The following N4BP1 variants were observed in gnomAD, a reference collection of about 807,000 sequenced individuals.
N4BP1 encodes the protein NEDD4 binding protein 1.
Under a neutral mutation model 70.9 loss-of-function variants are expected in N4BP1, and 21 were observed. The observed-to-expected ratio is 0.30, with a 90% CI of 0.21 to 0.43. The LOEUF (loss-of-function observed/expected upper bound fraction) is 0.43, where lower values mean the gene tolerates loss of function less well. N4BP1 is among the 20% of genes least tolerant of loss of function. The pLI is 1.00. For missense variants in N4BP1, 936 were observed against 1,069.4 expected (o/e 0.88, Z 1.74); for synonymous variants, 387 against 394.6 (o/e 0.98, Z 0.23).
At chr16:48,608,708 C>G (rs1337142230) in intron 1 of N4BP1, among the ~76,000 whole-genome samples, 1 of 146,758 alleles carries the variant, frequency 6.8e-6, no homozygotes, top group African/African-American at 2.5e-5. Context: ...CTGATTTAGG[C>G]AGAAGGTGAG....
chr16:48,587,497 G>A (rs1360502125), intron 1 of N4BP1: 1 of 152,138 alleles, frequency 6.6e-6, no homozygotes, highest in East Asian at 1.9e-4. Flanking sequence ...CTTCTACTTA[G>A]CAAGCTATGC....
chr16:48,550,049 G>T (rs1481264455), intron 4 of N4BP1, among the ~76,000 whole-genome samples: 1 of 152,142 alleles, frequency 6.6e-6, no homozygotes, highest in Non-Finnish European at 1.5e-5. Flanking sequence ...ATTTCCATTG[G>T]TTAAGTTTAG....
chr16:48,589,608 T>G (rs556418735), intron 1 of N4BP1, among the ~76,000 whole-genome samples: 2 of 152,284 alleles, frequency 1.3e-5, no homozygotes, highest in South Asian at 4.1e-4. Flanking sequence ...CAGAGTTCTC[T>G]GAGCTGCTTA....
chr16:48,561,470 G>T lies in N4BP1; in HGVS notation c.1173C>A (p.Phe391Leu). 1.2e-6 allele frequency: 2 copies of T among 1,611,610 alleles called. No homozygotes were observed. Among genetic ancestry groups the T allele is most frequent in the African/African-American group, 1.3e-5 (1 of 74,704 alleles). ...LEEIEKENKR[F>L]QEDREFSAGT... is the part of the protein sequence containing the mutation. The stretch of plus-strand genomic sequence containing the variant: ...CAGCTGAAAATTCTCTGTCTTCTTG[G>T]AATCTTTTATTTTCTTTTTCAATTT... The change falls in exon 2 of 7, where the codon TTC becomes TTA. Residue 391 changes from phenylalanine (F) to leucine (L), a missense_variant. Coordinates refer to ENST00000262384, the MANE Select transcript of N4BP1 (RefSeq NM_153029.4).
Position 48,610,040 on chromosome 16 carries a change from C to T in N4BP1, c.-68G>A. On this transcript the variant is annotated 5_prime_UTR_variant, in exon 1 of 7. Coordinates refer to ENST00000262384, the MANE Select transcript of N4BP1 (RefSeq NM_153029.4). ...GCGACGCCCCCTCAGCTTGCTGCCG[C>T]TGCTCCCAAGCCAGTCAGGCGGCGT... 1.1e-6 allele frequency: 1 copy of T among 941,518 alleles called. No individual in the cohort carries two copies. Among genetic ancestry groups the T allele is most frequent in the Non-Finnish European group, 1.3e-6 (1 of 774,344 alleles). The allele number at this position is 941,518 out of a possible 1,614,324, so 58.3% of individuals were successfully genotyped here. A position where few individuals can be genotyped will look rare whatever the true frequency, so the allele number is the denominator to read the frequency against.
Position 48,551,468 on chromosome 16 carries a change from T to G in N4BP1, c.2035A>C (p.Thr679Pro). 6.2e-7 allele frequency: 1 copy of G among 1,612,834 alleles called. No individual in the cohort carries two copies. The highest frequency in any genetic ancestry group is 8.5e-7 in the Non-Finnish European group (1 of 1,179,030). The part of the protein sequence containing the change: ...DPNVTEQHFL[T>P]QLQELGILSL... ...AATATTCCGAGCTCCTGGAGCTGGG[T>G]TAAGAAGTGCTGTTCTGTTCATGGA... The change falls in exon 4 of 7, where the codon ACC (threonine) becomes CCC (proline). Residue 679 changes from threonine (T) to proline (P), a missense_variant. Around this residue, in one of 4 missense-constraint regions of N4BP1, gnomAD observed 229 missense variants for 343.5 expected, o/e 0.67. Transcript: ENST00000262384.
At chr16:48,549,948 G>A (rs1963642345) in intron 4 of N4BP1, among the ~76,000 whole-genome samples, 1 of 152,182 alleles carries the variant, frequency 6.6e-6, no homozygotes, top group East Asian at 1.9e-4. Context: ...ATGCAGGGGA[G>A]AAAAGAATAA....
At chr16:48,591,540 G>A (rs1014341938) in intron 1 of N4BP1, among the ~76,000 whole-genome samples, 3 of 150,700 alleles carry the variant, frequency 2.0e-5, no homozygotes, top group Admixed American at 6.6e-5. Context: ...GATAATAAGA[G>A]ATTTTTAAAA....
chr16:48,562,159 G>C lies in N4BP1; in HGVS notation c.484C>G (p.Gln162Glu). The C allele has an allele frequency of 6.2e-7, 1 of 1,613,952 alleles. No individual in the cohort carries two copies. The highest frequency in any genetic ancestry group is 1.3e-5 in the African/African-American group (1 of 75,034). Residue 162 changes from glutamine to glutamate, a missense_variant, in exon 2 of 7, where the codon CAA becomes GAA. Physicochemically the swap from Gln to Glu is conservative, Grantham distance 29. This residue lies in a region of N4BP1 where 187 missense variants were observed against 217.1 expected (regional missense o/e 0.86). Transcript: ENST00000262384. ...KESEVKREFKQFVEAHADNYT... is the reference protein window; with the variant it reads ...KESEVKREFKEFVEAHADNYT... ...TTGTCTGCATGGGCTTCAACAAATT[G>C]TTTGAATTCCCTTTTCACCTCTGAT...
chr16:48,599,336 G>C (rs962993728), intron 1 of N4BP1, among the ~76,000 whole-genome samples: 1 of 152,126 alleles, frequency 6.6e-6, no homozygotes, highest in African/African-American at 2.4e-5. Context: ...AGCTAATGGG[G>C]GCATGGTTGT....
At chr16:48,607,651 G>A (rs1015653895) in intron 1 of N4BP1, among the ~76,000 whole-genome samples, 1 of 152,190 alleles carries the variant, frequency 6.6e-6, no homozygotes, top group Non-Finnish European at 1.5e-5. Context: ...GAAAGGAAAG[G>A]AATGAATGCA....
At position 48,555,672 on chromosome 16, in the gene N4BP1, AG is replaced by A. The variant is rs571157835; in HGVS notation, c.1890-2004del. Reference sequence around the variant, plus strand: ...AAAAAGACTGGGGGTGGTTCTTTAAAGGGGGCCTCTTTTAATCTTCCAAAAA... The same window carrying A: ...AAAAAGACTGGGGGTGGTTCTTTAAAGGGGCCTCTTTTAATCTTCCAAAAA... On this transcript the variant is annotated intron_variant, in intron 2 of 6. Transcript: ENST00000262384. 2.0e-3 allele frequency among the ~76,000 whole-genome samples: 307 copies of A among 152,308 alleles called. 2 individuals carry two copies. The highest frequency in any genetic ancestry group is 7.2e-3 in the African/African-American group (299 of 41,572).
chr16:48,580,340 G>C (rs1477459526), intron 1 of N4BP1, among the ~76,000 whole-genome samples: 1 of 151,972 alleles, frequency 6.6e-6, no homozygotes, highest in Non-Finnish European at 1.5e-5. Context: ...CAGAAGAAAT[G>C]GATAAATTCC....
At chr16:48,573,703 C>A (rs1567436430) in intron 1 of N4BP1, among the ~76,000 whole-genome samples, 1 of 152,136 alleles carries the variant, frequency 6.6e-6, no homozygotes, top group Non-Finnish European at 1.5e-5. Flanking sequence ...TCATGTATAA[C>A]TTTTCGACTC....
chr16:48,576,177 A>G (rs534942071), intron 1 of N4BP1, among the ~76,000 whole-genome samples: 6 of 152,326 alleles, frequency 3.9e-5, no homozygotes, highest in African/African-American at 1.4e-4. Context: ...CTCAGAAAAA[A>G]AACAAATTTT....
At chr16:48,584,794 T>C (rs1038720207) in intron 1 of N4BP1, among the ~76,000 whole-genome samples, 2 of 152,018 alleles carry the variant, frequency 1.3e-5, no homozygotes, top group African/African-American at 2.4e-5. Context: ...AAGAAACCAA[T>C]AGGTCAAAAA....
intron 1 of N4BP1, among the ~76,000 whole-genome samples, chr16:48,603,275 C>T (rs535710842): frequency 4.0e-5 from 6 of 151,796 alleles, no homozygotes; most frequent in Non-Finnish European, 7.4e-5. Context: ...TGCACTGTAA[C>T]GTCAATGTTT....
chr16:48,589,952 C>T (rs1404416578), intron 1 of N4BP1, among the ~76,000 whole-genome samples: 10 of 152,128 alleles, frequency 6.6e-5, no homozygotes, highest in Non-Finnish European at 1.0e-4. Context: ...AGCCCTTTCT[C>T]GGAAAGACCC....
intron 1 of N4BP1, among the ~76,000 whole-genome samples, chr16:48,575,345 T>C (rs1253156557): frequency 6.6e-6 from 1 of 152,214 alleles, no homozygotes; most frequent in African/African-American, 2.4e-5. Context: ...TTATTCTGTT[T>C]TACTTTACTC....
Sources: allele counts gnomAD v4.1 joint callset (sites outside exome capture counted in the v4.1 genomes callset), GRCh38; gene constraint gnomAD v4.1.1; regional missense constraint gnomAD v4.1.1; transcripts MANE v1.5; gene names NCBI Gene and HGNC (gene_info 2026-07-23, HGNC 2026-07-21).